Variants in STXBP5L observed in about 807,000 individuals in gnomAD.
STXBP5L encodes syntaxin-binding protein 5-like.
In STXBP5L, 65 loss-of-function variants were observed where a neutral mutation model predicts 144.5. The ratio of observed to expected loss-of-function variants is 0.45; its 90% CI spans 0.37 to 0.55. The LOEUF (loss-of-function observed/expected upper bound fraction) is 0.55. Among genes scored for constraint, STXBP5L ranks in the 20% least tolerant of loss-of-function variants. STXBP5L has a pLI of 0.00. For synonymous variants in STXBP5L, 505 were observed against 469.6 expected (o/e 1.08, Z -0.97); for missense variants, 1,298 against 1,405.5 (o/e 0.92, Z 1.22).
At chr3:120,943,774 A>G (rs1710692600) in intron 2 of STXBP5L, among the ~76,000 whole-genome samples, 1 of 150,246 alleles carries the variant, frequency 6.7e-6, no homozygotes, top group South Asian at 2.1e-4. Context: ...GCAGCAGCCC[A>G]TCCATCTTTT....
intron 20 of STXBP5L, among the ~76,000 whole-genome samples, chr3:121,332,254 G>T (rs577272625): frequency 6.6e-6 from 1 of 151,590 alleles, no homozygotes. Context: ...AAACCAAGAT[G>T]AAATCTTTAA....
At chr3:121,343,539 CT>C (rs1397449219) in intron 20 of STXBP5L, among the ~76,000 whole-genome samples, 1 of 152,128 alleles carries the variant, frequency 6.6e-6, no homozygotes, top group Non-Finnish European at 1.5e-5. Context: ...TGATAAGCAA[CT>C]TCAGCAAAGT....
At chr3:120,936,926 C>G (rs1710294742) in intron 2 of STXBP5L, among the ~76,000 whole-genome samples, 1 of 152,098 alleles carries the variant, frequency 6.6e-6, no homozygotes, top group East Asian at 1.9e-4. Context: ...GGAAAACATT[C>G]TGTAGGTCTA....
At chr3:121,174,677 TA>T (rs1381104828) in intron 9 of STXBP5L, among the ~76,000 whole-genome samples, 1 of 152,156 alleles carries the variant, frequency 6.6e-6, no homozygotes, top group Non-Finnish European at 1.5e-5. Context: ...TATGAAGGTA[TA>T]AAGCCCCCTG....
At chr3:121,288,106 T>TG (rs2051295438) in intron 19 of STXBP5L, among the ~76,000 whole-genome samples, 1 of 152,234 alleles carries the variant, frequency 6.6e-6, no homozygotes, top group Non-Finnish European at 1.5e-5. Context: ...AATCTGTTCT[T>TG]GCATTAGTTA....
chr3:121,305,483 C>G (rs1249451379), intron 19 of STXBP5L, among the ~76,000 whole-genome samples: 1 of 151,790 alleles, frequency 6.6e-6, no homozygotes. Context: ...TGGATTTATC[C>G]CAGGAATGCA....
intron 9 of STXBP5L, among the ~76,000 whole-genome samples, chr3:121,189,836 C>G (rs962081719): frequency 6.6e-6 from 1 of 151,970 alleles, no homozygotes; most frequent in Admixed American, 6.6e-5. Context: ...AATAAAATGA[C>G]CAACTTAAAA....
At chr3:121,297,607 A>G (rs1235919657) in intron 19 of STXBP5L, among the ~76,000 whole-genome samples, 1 of 152,140 alleles carries the variant, frequency 6.6e-6, no homozygotes, top group East Asian at 1.9e-4. Flanking sequence ...TACAAAAATT[A>G]GCTGGGTGTG....
chr3:121,173,224 A>T (rs1414083627), intron 9 of STXBP5L, among the ~76,000 whole-genome samples: 2 of 151,954 alleles, frequency 1.3e-5, no homozygotes, highest in African/African-American at 4.8e-5. Flanking sequence ...GAAATACCTA[A>T]GGTAGATCAC....
intron 5 of STXBP5L, among the ~76,000 whole-genome samples, chr3:121,050,166 CACT>C (rs962748743): frequency 3.3e-5 from 5 of 152,132 alleles, no homozygotes; most frequent in African/African-American, 1.2e-4. Context: ...GTCCATTCAC[CACT>C]GTTTCTTCTC....
At chr3:121,370,392 C>T (rs1239663898) in intron 20 of STXBP5L, among the ~76,000 whole-genome samples, 1 of 152,098 alleles carries the variant, frequency 6.6e-6, no homozygotes, top group African/African-American at 2.4e-5. Flanking sequence ...GCACCTCCCC[C>T]ATTCCTCCTA....
chr3:120,921,355 T>A (rs137934809), intron 2 of STXBP5L, among the ~76,000 whole-genome samples: 1 of 152,032 alleles, frequency 6.6e-6, no homozygotes, highest in African/African-American at 2.4e-5. Flanking sequence ...TGTTTGAGCT[T>A]ATTATATATT....
chr3:121,378,732 C>T lies in STXBP5L; in HGVS notation c.2193C>T (p.His731=). 1 of 1,613,498 alleles carries T rather than the reference C, an allele frequency of 6.2e-7. No individual in the cohort carries two copies. ...KSPTSDHVNG[H]CTSPTSQSCS... is the part of the protein sequence containing the mutation. ...TTGGCACAGACCATGTAAATGGACA[C>T]TGCACAAGTCCAACTTCTCAGAGTT... is the stretch of plus-strand genomic sequence containing the variant. Residue 731 remains histidine (H), a synonymous_variant, in exon 21 of 27, where the codon CAC becomes CAT. Transcript: ENST00000471454.
intron 3 of STXBP5L, among the ~76,000 whole-genome samples, chr3:121,001,884 G>A (rs1427813083): frequency 6.6e-6 from 1 of 152,112 alleles, no homozygotes; most frequent in Non-Finnish European, 1.5e-5. Flanking sequence ...AGCCATCTTG[G>A]CTCTTTCCTC....
chr3:121,247,134 C>G (rs1236610357), intron 14 of STXBP5L, among the ~76,000 whole-genome samples: 1 of 152,176 alleles, frequency 6.6e-6, no homozygotes, highest in African/African-American at 2.4e-5. Context: ...GACTAACCCC[C>G]TCTCAAAATA....
intron 5 of STXBP5L, among the ~76,000 whole-genome samples, chr3:121,064,013 G>T (rs1025243232): frequency 1.3e-5 from 2 of 152,102 alleles, no homozygotes; most frequent in African/African-American, 2.4e-5. Context: ...TGTCTCACTG[G>T]CATTCCAAGC....
At chr3:120,955,870 TA>T in intron 3 of STXBP5L, among the ~76,000 whole-genome samples, 1 of 152,204 alleles carries the variant, frequency 6.6e-6, no homozygotes, top group African/African-American at 2.4e-5. Flanking sequence ...TCAAAAATGT[TA>T]TATAAATGGA....
intron 22 of STXBP5L, among the ~76,000 whole-genome samples, chr3:121,399,770 G>C (rs186747892): frequency 1.3e-5 from 2 of 152,312 alleles, no homozygotes; most frequent in Non-Finnish European, 2.9e-5. Flanking sequence ...ACCTTCCAGC[G>C]TGGGCGTTAC....
intron 2 of STXBP5L, among the ~76,000 whole-genome samples, chr3:120,936,089 A>T (rs576744663): frequency 6.6e-6 from 1 of 151,898 alleles, no homozygotes; most frequent in East Asian, 1.9e-4. Flanking sequence ...TTTCTATTGA[A>T]TTTTCTTCAA....
Sources: gnomAD v4.1 joint callset for allele counts (sites outside exome capture counted in the v4.1 genomes callset) on GRCh38, gnomAD v4.1.1 for gene constraint, MANE v1.5 for transcripts, NCBI Gene and HGNC (gene_info 2026-07-23, HGNC 2026-07-21) for gene names.